The following CNOT9 variants were observed in gnomAD, a reference collection of about 807,000 sequenced individuals.
The protein encoded by CNOT9 is RCD1 required for cell differentiation1 homolog.
A neutral mutation model predicts 37.4 loss-of-function variants in CNOT9; 8 were observed. That is an observed-to-expected ratio of 0.21 (90% CI 0.13 to 0.39). The LOEUF is 0.39. CNOT9 is among the 10% of genes least tolerant of loss of function. CNOT9 has a pLI of 1.00. For synonymous variants in CNOT9, 120 were observed against 137.6 expected (o/e 0.87, Z 0.90); for missense variants, 154 against 365.3 (o/e 0.42, Z 4.71).
chr2:218,594,077 T>C, intron 7 of CNOT9, 31 bp from the exon 8 acceptor site: 1 of 1,609,670 alleles, frequency 6.2e-7, no homozygotes, highest in Non-Finnish European at 8.5e-7. Context: ...TTTGTTGGTC[T>C]CCCTGGTTGG....
At chr2:218,569,087 C>A in intron 1 of CNOT9, 109 bp downstream of exon 1, 1 of 1,223,098 alleles carries the variant, frequency 8.2e-7, no homozygotes, top group Non-Finnish European at 1.2e-6. Context: ...TTTTTTCTGC[C>A]CTCAATCTCC....
intron 1 of CNOT9, among the ~76,000 whole-genome samples, chr2:218,571,849 G>A (rs1694006675): frequency 6.7e-6 from 1 of 150,264 alleles, no homozygotes; most frequent in African/African-American, 2.4e-5. Context: ...CCCCCAAAGT[G>A]CTGGGATTAC....
chr2:218,571,068 A>G (rs1271327747), intron 1 of CNOT9, among the ~76,000 whole-genome samples: 2 of 152,232 alleles, frequency 1.3e-5, no homozygotes, highest in African/African-American at 4.8e-5. Context: ...AGGGACAGTA[A>G]TGATGCATAT....
rs1375704144 is a variant in CNOT9, at chr2:218,594,328, A to G, written c.*52A>G. 2.0e-6 allele frequency: 3 copies of G among 1,536,930 alleles called. No individual in the cohort carries two copies. The South Asian group carries it at 3.6e-5, about 18-fold the overall frequency. ...CCCCAAGTTGGGGAAAGGAGGGGGA[A>G]CCTACGAGAAAAACAGCTCAGGTTT... On this transcript the variant is annotated 3_prime_UTR_variant, in exon 8 of 8. Transcript: ENST00000273064.
chr2:218,587,774 T>C lies in CNOT9; in HGVS notation c.540+79T>C, dbSNP rs58945674. The C allele has an allele frequency of 6.4e-3, 3,931 of 610,628 alleles. 115 individuals are homozygous for C. The African/African-American group carries it at 0.066, about 10-fold the overall frequency. The allele number at this position is 610,628 out of a possible 1,614,324, so 37.8% of individuals were successfully genotyped here. A position where few individuals can be genotyped will look rare whatever the true frequency, so the allele number is the denominator to read the frequency against. On this transcript the variant is annotated intron_variant, in intron 5 of 7. Coordinates refer to ENST00000273064, the MANE Select transcript of CNOT9 (RefSeq NM_005444.3). ...TATGGTCCTGGGATCATTTTCTCTC[T>C]TCAAGCTTTTGAAATTTGTATGAAT...
In CNOT9 at chr2:218,592,132, G is replaced by T. The variant is rs970407681; in HGVS notation, c.541-172G>T. On this transcript the variant is annotated intron_variant, in intron 5 of 7. Transcript: ENST00000273064. This position sits in a 1 kb window ranked among gnomAD's most constrained non-coding sequence, Gnocchi z 4.1. ...CTGGTACAAAGTAATGTTCAACATG[G>T]TAATATTTATTATTCTTTGTACTAT... Among the ~76,000 whole-genome samples the T allele has an allele frequency of 1.3e-5, 2 of 152,146 alleles. No homozygotes were observed. Among genetic ancestry groups the T allele is most frequent in the Non-Finnish European group, 2.9e-5 (2 of 68,034 alleles).
intron 3 of CNOT9, among the ~76,000 whole-genome samples, chr2:218,584,241 G>A (rs1327170029): frequency 6.6e-6 from 1 of 152,112 alleles, no homozygotes; most frequent in Non-Finnish European, 1.5e-5. Context: ...TTCAGCTTTG[G>A]CACCATTACC....
rs2106102454 is a variant in CNOT9 at position 218,595,176 on chromosome 2, G to A, written c.*900G>A. 1 of 152,230 alleles carries A rather than the reference G, an allele frequency of 6.6e-6. No individual in the cohort carries two copies. Among genetic ancestry groups the A allele is most frequent in the East Asian group, 1.9e-4 (1 of 5,190 alleles). The allele number at this position is 152,230 out of a possible 1,614,324, so 9.4% of individuals were successfully genotyped here. A position where few individuals can be genotyped will look rare whatever the true frequency, so the allele number is the denominator to read the frequency against. ...GAAGGGTATTGTATTGGGAGACAAG[G>A]GGCGGTGGTGGACCTCACCTTCAAT... On this transcript the variant is annotated 3_prime_UTR_variant, in exon 8 of 8. Transcript: ENST00000273064.
chr2:218,570,927 T>A (rs1693970336), intron 1 of CNOT9, among the ~76,000 whole-genome samples: 1 of 152,214 alleles, frequency 6.6e-6, no homozygotes, highest in Non-Finnish European at 1.5e-5. Flanking sequence ...TCTGACAAAT[T>A]CCTTCGTACC....
chr2:218,592,510 T>G lies in CNOT9; in HGVS notation c.640-106T>G. The G allele has an allele frequency of 6.8e-7, 1 of 1,479,234 alleles. No homozygotes were observed. Among genetic ancestry groups the G allele is most frequent in the Non-Finnish European group, 9.5e-7 (1 of 1,057,228 alleles). 91.6% of individuals were successfully genotyped at this position (1,479,234 alleles called of 1,614,324 possible). A position where few individuals can be genotyped will look rare whatever the true frequency, so the allele number is the denominator to read the frequency against. Reference sequence around the variant, plus strand: ...GTCCTCTGACTAGAACTAACAATTTTGGAACCTTTTATGATTCTTGGACTA... The same window carrying G: ...GTCCTCTGACTAGAACTAACAATTTGGGAACCTTTTATGATTCTTGGACTA... On this transcript the variant is annotated intron_variant, in intron 6 of 7. Transcript: ENST00000273064. The surrounding 1 kb of genome is among the most constrained non-coding windows in gnomAD (Gnocchi z 4.1).
chr2:218,590,656 C>G lies in CNOT9; in HGVS notation c.541-1648C>G, dbSNP rs995561864. On this transcript the variant is annotated intron_variant, in intron 5 of 7. Coordinates refer to ENST00000273064, the MANE Select transcript of CNOT9 (RefSeq NM_005444.3). ...GAGGAGAGTCTTTTTGTTGCCTTTT[C>G]TAGCTTCTAGAACTGCATTTCTTGC... 7.1e-4 allele frequency among the ~76,000 whole-genome samples: 108 copies of G among 152,164 alleles called. 7 individuals are homozygous for G. The highest frequency in any genetic ancestry group is 1.0e-4 in the Non-Finnish European group (7 of 68,034).
chr2:218,584,354 G>C (rs1299721029), intron 3 of CNOT9, among the ~76,000 whole-genome samples: 1 of 152,118 alleles, frequency 6.6e-6, no homozygotes, highest in Non-Finnish European at 1.5e-5. Flanking sequence ...CTTCCCACTG[G>C]ATGCCAATAG....
chr2:218,575,019 T>A (rs1694118824), intron 1 of CNOT9, among the ~76,000 whole-genome samples: 1 of 152,166 alleles, frequency 6.6e-6, no homozygotes, highest in African/African-American at 2.4e-5. Flanking sequence ...ATTTCTAAGA[T>A]TTTAGAGTTG....
chr2:218,577,688 C>A (rs1392770240), intron 1 of CNOT9, among the ~76,000 whole-genome samples: 1 of 152,170 alleles, frequency 6.6e-6, no homozygotes, highest in African/African-American at 2.4e-5. Flanking sequence ...GCATGGTATG[C>A]AAACCAGTGG....
Position 218,572,609 on chromosome 2 carries a change from C to T in CNOT9, c.24+3631C>T, listed in dbSNP as rs377163925. 2.2e-5 allele frequency: 19 copies of T among 874,164 alleles called. No homozygotes were observed. In the Admixed American group the frequency reaches 4.3e-4, roughly 20 times the overall value. The allele number at this position is 874,164 out of a possible 1,614,324, so 54.2% of individuals were successfully genotyped here. A position where few individuals can be genotyped will look rare whatever the true frequency, so the allele number is the denominator to read the frequency against. ...TCATGCTACCGCACTTCAGCTTAGG[C>T]GACATAGTGAGACCCTGTCTCAAAG... On this transcript the variant is annotated intron_variant, in intron 1 of 7. Coordinates refer to ENST00000273064, the MANE Select transcript of CNOT9 (RefSeq NM_005444.3).
At chr2:218,590,797 CTTGTTGTTGTTG>C (rs72308011) in intron 5 of CNOT9, among the ~76,000 whole-genome samples, 4 of 150,700 alleles carry the variant, frequency 2.7e-5, no homozygotes, top group Non-Finnish European at 5.9e-5. Flanking sequence ...CTACATCTCT[CTTGTTGTTGTTG>C]TTGTTGTTGT....
chr2:218,578,372 TG>T (rs1215010544), intron 1 of CNOT9, among the ~76,000 whole-genome samples: 5 of 152,218 alleles, frequency 3.3e-5, no homozygotes, highest in African/African-American at 1.2e-4. Flanking sequence ...TTATTCAGAT[TG>T]GGTAGAGTAA....
At chr2:218,584,549 T>G in intron 3 of CNOT9, 63 bp from the exon 4 acceptor site, 1 of 1,212,218 alleles carries the variant, frequency 8.2e-7, no homozygotes, top group Non-Finnish European at 1.2e-6. Context: ...CCTAGAAATT[T>G]GAAAGTTCAG....
At chr2:218,586,368 C>T (rs1015927395) in intron 4 of CNOT9, among the ~76,000 whole-genome samples, 1 of 152,138 alleles carries the variant, frequency 6.6e-6, no homozygotes, top group Non-Finnish European at 1.5e-5. Flanking sequence ...CACCAAAGAG[C>T]TTGTGCTCCC....
Sources: allele counts gnomAD v4.1 joint callset (sites outside exome capture counted in the v4.1 genomes callset), GRCh38; gene constraint gnomAD v4.1.1; non-coding constraint Gnocchi (gnomAD v3.1); transcripts MANE v1.5; gene names NCBI Gene and HGNC (gene_info 2026-07-23, HGNC 2026-07-21).